Variants in THSD4 observed in about 807,000 individuals in gnomAD.
THSD4 encodes the protein thrombospondin type 1 domain containing 4, also known as thrombospondin type-1 domain-containing protein 4.
A neutral mutation model predicts 119.0 loss-of-function variants in THSD4; 69 were observed. The ratio of observed to expected loss-of-function variants is 0.58; its 90% CI spans 0.48 to 0.71. THSD4 has a LOEUF of 0.71. Among genes scored for constraint, THSD4 ranks in the 30% least tolerant of loss-of-function variants. THSD4 has a pLI of 0.00. For synonymous variants in THSD4, 524 were observed against 540.4 expected (o/e 0.97, Z 0.42); for missense variants, 1,393 against 1,391.1 (o/e 1.00, Z -0.02).
chr15:71,764,970 C>A, intron 15 of THSD4, 50 bp from the exon 16 acceptor site: 1 of 1,570,662 alleles, frequency 6.4e-7, no homozygotes, highest in South Asian at 1.2e-5. Flanking sequence ...CAGTAGCTGC[C>A]ACCCCCTTTC....
intron 8 of THSD4, among the ~76,000 whole-genome samples, chr15:71,723,057 T>C (rs1267808425): frequency 7.0e-6 from 1 of 143,416 alleles, no homozygotes; most frequent in African/African-American, 2.5e-5. Context: ...GTTCTATGGA[T>C]GGACATTTAG....
intron 4 of THSD4, among the ~76,000 whole-genome samples, chr15:71,232,821 G>A (rs1298614939): frequency 6.6e-6 from 1 of 152,206 alleles, no homozygotes; most frequent in Non-Finnish European, 1.5e-5. Context: ...AAATGAGCCA[G>A]GTGGGTCTTT....
chr15:71,158,379 C>T (rs1230476037), intron 3 of THSD4, among the ~76,000 whole-genome samples: 1 of 151,896 alleles, frequency 6.6e-6, no homozygotes, highest in East Asian at 1.9e-4. Context: ...TCTTGAACTC[C>T]CGACCTCAGG....
At position 71,737,768 on chromosome 15, in the gene THSD4, G is replaced by A. The variant is rs1243864564; in HGVS notation, c.1667G>A (p.Arg556Lys). ...AATGGCCAGATGGTGACAGAAGGCAGGAGCCAGGAGGAGGGAGAACAGAAA... is the reference window on the plus strand; with the variant it reads ...AATGGCCAGATGGTGACAGAAGGCAAGAGCCAGGAGGAGGGAGAACAGAAA... The part of the protein sequence containing the change: ...PFNGQMVTEG[R>K]SQEEGEQKGR... The change falls in exon 11 of 18, where the codon AGG (arginine) becomes AAG (lysine). Residue 556 changes from arginine (R) to lysine (K), a missense_variant. Transcript: ENST00000261862. The A allele has an allele frequency of 6.2e-7, 1 of 1,613,606 alleles. No individual in the cohort carries two copies. The highest frequency in any genetic ancestry group is 8.5e-7 in the Non-Finnish European group (1 of 1,179,690).
intron 7 of THSD4, among the ~76,000 whole-genome samples, chr15:71,508,502 G>T (rs535268773): frequency 3.9e-5 from 6 of 152,106 alleles, no homozygotes; most frequent in Non-Finnish European, 1.5e-5. Context: ...CAAAGTCACC[G>T]CACTGAAAAT....
At chr15:71,648,789 C>T (rs1352805914) in intron 7 of THSD4, among the ~76,000 whole-genome samples, 1 of 152,146 alleles carries the variant, frequency 6.6e-6, no homozygotes, top group Non-Finnish European at 1.5e-5. Context: ...GGCCAGACTG[C>T]CAAGGGACGC....
At chr15:71,661,678 G>A (rs1034848371) in intron 8 of THSD4, among the ~76,000 whole-genome samples, 5 of 152,100 alleles carry the variant, frequency 3.3e-5, no homozygotes, top group African/African-American at 7.2e-5. Context: ...TTACAGGCAT[G>A]AGCCACCACG....
intron 15 of THSD4, among the ~76,000 whole-genome samples, chr15:71,760,449 C>A (rs1296451188): frequency 6.6e-6 from 1 of 152,182 alleles, no homozygotes; most frequent in Non-Finnish European, 1.5e-5. Flanking sequence ...TGGAAACTAA[C>A]TAGGAGTATA....
intron 5 of THSD4, among the ~76,000 whole-genome samples, chr15:71,254,211 G>A (rs536198524): frequency 3.3e-5 from 5 of 152,318 alleles, no homozygotes; most frequent in African/African-American, 1.2e-4. Context: ...GAAGACCTGC[G>A]GCCCGGCAGC....
At chr15:71,629,642 G>A (rs774691119) in intron 7 of THSD4, among the ~76,000 whole-genome samples, 2 of 152,098 alleles carry the variant, frequency 1.3e-5, no homozygotes, top group Non-Finnish European at 2.9e-5. Flanking sequence ...TTGTTCTTTT[G>A]TGATGTTGGG....
chr15:71,627,876 C>A (rs1193199550), intron 7 of THSD4, among the ~76,000 whole-genome samples: 1 of 152,166 alleles, frequency 6.6e-6, no homozygotes, highest in Non-Finnish European at 1.5e-5. Context: ...TGAACAGGAA[C>A]TTCATGTGGG....
At chr15:71,665,122 G>T (rs1181917528) in intron 8 of THSD4, among the ~76,000 whole-genome samples, 1 of 152,180 alleles carries the variant, frequency 6.6e-6, no homozygotes, top group African/African-American at 2.4e-5. Flanking sequence ...CAGTGTATAA[G>T]TGTTTCCTTT....
Position 71,748,550 on chromosome 15 carries a change from G to A in THSD4, c.2371G>A (p.Gly791Arg). The A allele has an allele frequency of 6.2e-7, 1 of 1,614,204 alleles. No individual in the cohort carries two copies. Residue 791 changes from glycine to arginine, a missense_variant, in exon 14 of 18, where the codon GGA becomes AGA. Coordinates refer to ENST00000261862, the MANE Select transcript of THSD4 (RefSeq NM_024817.3). ...GAATGACATTGAGAACTGCGACATG[G>A]GACCCTGTGCCAAGAGCTGGTTCCT... ...RPNDIENCDM[G>R]PCAKSWFLTE...
intron 7 of THSD4, among the ~76,000 whole-genome samples, chr15:71,608,259 C>T (rs867074593): frequency 1.7e-3 from 216 of 126,256 alleles, no homozygotes; most frequent in Non-Finnish European, 2.8e-3. Flanking sequence ...TACACACACA[C>T]ACACACACAC....
At position 71,121,607 on chromosome 15, in the gene THSD4, C is replaced by T. The variant is rs1021025989; in HGVS notation, c.-80+5909C>T. 7.2e-5 allele frequency among the ~76,000 whole-genome samples: 11 copies of T among 152,162 alleles called. 1 individual carries two copies. The highest frequency in any genetic ancestry group is 4.1e-4 in the South Asian group (2 of 4,826). On this transcript the variant is annotated intron_variant, in intron 1 of 17. Transcript: ENST00000261862. ...CCTTTGATGACATTACCCTGCCCCT[C>T]GTCTCCTGCCCTCATGCTAGGTTGT...
At chr15:71,222,905 G>A (rs1448446993) in intron 4 of THSD4, among the ~76,000 whole-genome samples, 1 of 152,188 alleles carries the variant, frequency 6.6e-6, no homozygotes, top group Non-Finnish European at 1.5e-5. Flanking sequence ...GACAGGTTTG[G>A]ATGCTCCATC....
chr15:71,639,674 G>A (rs1230231592), intron 7 of THSD4, among the ~76,000 whole-genome samples: 1 of 152,114 alleles, frequency 6.6e-6, no homozygotes, highest in African/African-American at 2.4e-5. Context: ...ATTTAAATAT[G>A]TTAAACAACT....
intron 10 of THSD4, among the ~76,000 whole-genome samples, chr15:71,736,146 CG>C (rs2053097189): frequency 1.2e-5 from 1 of 83,200 alleles, no homozygotes; most frequent in African/African-American, 4.6e-5. Flanking sequence ...GCTCTCTCTC[CG>C]TCTCTCTTGC....
chr15:71,502,589 A>T (rs1419401964), intron 7 of THSD4, among the ~76,000 whole-genome samples: 1 of 152,240 alleles, frequency 6.6e-6, no homozygotes, highest in African/African-American at 2.4e-5. Flanking sequence ...AGAGAAATGA[A>T]GGAACTTTGA....
Sources: allele counts gnomAD v4.1 joint callset (sites outside exome capture counted in the v4.1 genomes callset), GRCh38; gene constraint gnomAD v4.1.1; transcripts MANE v1.5; gene names NCBI Gene and HGNC (gene_info 2026-07-23, HGNC 2026-07-21).